Variants in RPS6KL1 observed in about 807,000 individuals in gnomAD.
RPS6KL1 encodes the protein ribosomal protein S6 kinase like 1.
A neutral mutation model predicts 57.0 loss-of-function variants in RPS6KL1; 41 were observed. The ratio of observed to expected loss-of-function variants is 0.72; its 90% confidence interval spans 0.56 to 0.93. The LOEUF is 0.93. Ranked by LOEUF, RPS6KL1 falls within the 40% of genes least tolerant of loss-of-function variation. RPS6KL1 has a pLI of 0.00. For missense variants in RPS6KL1, 697 were observed against 727.7 expected (o/e 0.96, Z 0.49); for synonymous variants, 287 against 309.7 (o/e 0.93, Z 0.77).
rs560729714 is a variant in RPS6KL1, at chr14:74,910,054, G to A, written c.759C>T (p.Leu253=). 18 of 1,612,310 alleles carry A rather than the reference G, an allele frequency of 1.1e-5. No individual in the cohort carries two copies. The African/African-American group carries it at 2.1e-4, about 19-fold the overall frequency. ...GSTQERMKAQ[L]NPHLNLLTPA... ...GGGTCAGGAGGTTGAGGTGGGGGTT[G>A]AGCTGAGCCTTCATCCTCTCCTGGG... Residue 253 remains leucine, a synonymous_variant, in exon 8 of 12, where the codon CTC becomes CTT. Coordinates refer to ENST00000557413, the MANE Select transcript of RPS6KL1 (RefSeq NM_031464.5).
intron 5 of RPS6KL1, among the ~76,000 whole-genome samples, chr14:74,912,765 G>A (rs1392538775): frequency 6.6e-6 from 1 of 152,158 alleles, no homozygotes; most frequent in Non-Finnish European, 1.5e-5. Context: ...AAATAAATAA[G>A]TAAAGTCCGC....
intron 5 of RPS6KL1, among the ~76,000 whole-genome samples, chr14:74,917,340 C>A (rs1197967714): frequency 6.6e-6 from 1 of 152,264 alleles, no homozygotes; most frequent in Non-Finnish European, 1.5e-5. Context: ...CCCGTGGCCA[C>A]CCGGGGTGGT....
At chr14:74,918,439 T>G in intron 5 of RPS6KL1, 74 bp downstream of exon 5, 1 of 1,090,142 alleles carries the variant, frequency 9.2e-7, no homozygotes, top group Non-Finnish European at 1.3e-6. Flanking sequence ...CAGCATATCA[T>G]GTCTCTCTCC....
intron 10 of RPS6KL1, among the ~76,000 whole-genome samples, 193 bp downstream of exon 10, chr14:74,908,657 T>C (rs976487954): frequency 6.6e-6 from 1 of 152,186 alleles, no homozygotes; most frequent in East Asian, 1.9e-4. Context: ...CTCGTATTCA[T>C]AGAAGTTGAC....
intron 1 of RPS6KL1, among the ~76,000 whole-genome samples, 188 bp downstream of exon 1, chr14:74,922,992 T>C (rs1291721844): frequency 6.6e-6 from 1 of 152,082 alleles, no homozygotes; most frequent in Non-Finnish European, 1.5e-5. Context: ...CGGGTAGGAC[T>C]GGCTTCAGGG....
chr14:74,911,326 C>T lies in RPS6KL1; in HGVS notation c.586G>A (p.Gly196Arg), dbSNP rs775664474. 1.6e-5 allele frequency: 25 copies of T among 1,611,738 alleles called. No homozygotes were observed. In the Admixed American group the frequency reaches 1.7e-4, roughly 11 times the overall value. The change falls in exon 7 of 12, where the codon GGA (glycine) becomes AGA (arginine). Residue 196 changes from glycine (G) to arginine (R), a missense_variant. Physicochemically the swap from Gly to Arg is moderately radical, Grantham distance 125 (BLOSUM62 -2). Transcript: ENST00000557413. Reference sequence around the variant, plus strand: ...AGCAGCTTCGTCATGTAGGGGACTCCGTGTGGGATGATGGTCAGCCGCTCC... The same window carrying T: ...AGCAGCTTCGTCATGTAGGGGACTCTGTGTGGGATGATGGTCAGCCGCTCC... ...SRERLTIIPH[G>R]VPYMTKLLRY...
chr14:74,906,524 C>G lies in RPS6KL1; in HGVS notation c.*490G>C, dbSNP rs2140233201. 2.0e-6 allele frequency: 1 copy of G among 510,028 alleles called. No homozygotes were observed. The highest frequency in any genetic ancestry group is 1.5e-5 in the South Asian group (1 of 67,360). The allele number at this position is 510,028 out of a possible 1,614,324, so 31.6% of individuals were successfully genotyped here. ...CACGAACAGCTTCTGGTGGAAGAGG[C>G]CTACTCGCTGTGTGACTAAGAGGAC... On this transcript the variant is annotated 3_prime_UTR_variant, in exon 12 of 12. Transcript: ENST00000557413.
Position 74,909,635 on chromosome 14 carries a change from G to C in RPS6KL1, c.1178C>G (p.Ala393Gly). 2 of 1,611,460 alleles carry C rather than the reference G, an allele frequency of 1.2e-6. No homozygotes were observed. The highest frequency in any genetic ancestry group is 1.7e-6 in the Non-Finnish European group (2 of 1,179,930). ...SVREEQVKQW[A>G]AEMLVALEAL... Reference sequence around the variant, plus strand: ...CTCCAGCGCTACCAGCATCTCTGCCGCCCACTGCTTCACCTGCTCCTCTCT... The same window carrying C: ...CTCCAGCGCTACCAGCATCTCTGCCCCCCACTGCTTCACCTGCTCCTCTCT... Residue 393 changes from alanine (A) to glycine (G), a missense_variant, in exon 8 of 12, where the codon GCG becomes GGG. Ala to Gly is a moderately conservative substitution (Grantham distance 60). Transcript: ENST00000557413.
At position 74,923,234 on chromosome 14, in the gene RPS6KL1, C is replaced by A. The variant is rs1888143764; in HGVS notation, c.-583G>T. ...CCAGGCCTCCCCCTCACGTACCGGC[C>A]CTTCACGCCAGAGCGCGCCGCGGGC... is the stretch of plus-strand genomic sequence containing the variant. On this transcript the variant is annotated 5_prime_UTR_variant, in exon 1 of 12. Coordinates refer to ENST00000557413, the MANE Select transcript of RPS6KL1 (RefSeq NM_031464.5). 1 of 152,288 alleles carries A rather than the reference C, an allele frequency of 6.6e-6. No homozygotes were observed. Among genetic ancestry groups the A allele is most frequent in the South Asian group, 2.1e-4 (1 of 4,838 alleles). 9.4% of individuals were successfully genotyped at this position (152,288 alleles called of 1,614,324 possible).
chr14:74,911,046 AT>A lies in RPS6KL1; in HGVS notation c.664+201del. ...GCAAGCACACCTGGCTAGTTTTTGT[AT>A]TTTTAGTAGAGACAGGGTTTCACTA... On this transcript the variant is annotated intron_variant, in intron 7 of 11. Coordinates refer to ENST00000557413, the MANE Select transcript of RPS6KL1 (RefSeq NM_031464.5). The A allele has an allele frequency of 6.1e-6, 3 of 494,830 alleles. No individual in the cohort carries two copies. In the East Asian group the frequency reaches 1.2e-4, roughly 19 times the overall value. The allele number at this position is 494,830 out of a possible 1,614,324, so 30.7% of individuals were successfully genotyped here. A position where few individuals can be genotyped will look rare whatever the true frequency, so the allele number is the denominator to read the frequency against.
rs764010197 is a variant in RPS6KL1, at chr14:74,919,979, A to T, written c.266-10T>A. 7.4e-6 allele frequency: 12 copies of T among 1,614,038 alleles called. No homozygotes were observed. In the South Asian group the frequency reaches 1.2e-4, roughly 16 times the overall value. ...TCCTTGTTGGGGTCAACTGTGGGAG[A>T]CAAGAGTCACCAGGGTCCCCAGCCA... On this transcript the variant is annotated splice_polypyrimidine_tract_variant and intron_variant, in intron 3 of 11. Coordinates refer to ENST00000557413, the MANE Select transcript of RPS6KL1 (RefSeq NM_031464.5).
rs375023229 is a variant in RPS6KL1 at position 74,909,785 on chromosome 14, C to G, written c.1028G>C (p.Arg343Pro). The G allele has an allele frequency of 6.2e-7, 1 of 1,605,674 alleles. No individual in the cohort carries two copies. Among genetic ancestry groups the G allele is most frequent in the Non-Finnish European group, 8.5e-7 (1 of 1,176,484 alleles). ...AGQNSDAGPP[R>P]GLTWVPEGAG... is the part of the protein sequence containing the mutation. ...CCCCTCAGGAACCCAAGTGAGCCCC[C>G]GAGGGGGCCCAGCGTCTGAGTTCTG... Residue 343 changes from arginine (R) to proline (P), a missense_variant, in exon 8 of 12, where the codon CGG becomes CCG. Transcript: ENST00000557413.
chr14:74,918,941 C>T (rs767293041), intron 4 of RPS6KL1, among the ~76,000 whole-genome samples: 142 of 152,172 alleles, frequency 9.3e-4, no homozygotes, highest in Non-Finnish European at 1.5e-3. Flanking sequence ...TTTGGGAGGC[C>T]GAGGCGGGCA....
chr14:74,909,569 G>A lies in RPS6KL1; in HGVS notation c.1244C>T (p.Pro415Leu). The change falls in exon 8 of 12, where the codon CCC (proline) becomes CTC (leucine). Residue 415 changes from proline to leucine, a missense_variant. Pro to Leu is a moderately conservative substitution (Grantham distance 98, BLOSUM62 -3). Transcript: ENST00000557413. ...EQGVLCRDLHPGNLLLDQAGH... is the reference protein window; with the variant it reads ...EQGVLCRDLHLGNLLLDQAGH... ...TGCCTGGTCCAGGAGCAGGTTCCCG[G>A]GGTGGAGGTCCCGGCACAGCACCCC... 1 of 1,609,156 alleles carries A rather than the reference G, an allele frequency of 6.2e-7. No individual in the cohort carries two copies. The highest frequency in any genetic ancestry group is 2.2e-5 in the East Asian group (1 of 44,832).
rs778301181 is a variant in RPS6KL1 at position 74,919,845 on chromosome 14, C to T, written c.390G>A (p.Ala130=). 1.7e-5 allele frequency: 27 copies of T among 1,612,066 alleles called. No homozygotes were observed. Among genetic ancestry groups the T allele is most frequent in the East Asian group, 4.5e-5 (2 of 44,876 alleles). The change falls in exon 4 of 12, where the codon GCG becomes GCA. Residue 130 remains alanine (A), a splice_region_variant and synonymous_variant. Coordinates refer to ENST00000557413, the MANE Select transcript of RPS6KL1 (RefSeq NM_031464.5). ...RPLSSGASPS[A]GFSSLRLRPI... is the part of the protein sequence containing the mutation. Reference sequence around the variant, plus strand: ...CTTTGGGTGGGGGGGGTCTCCTCACCGCGCTGGGGCTGGCTCCACTGCTCA... The same window carrying T: ...CTTTGGGTGGGGGGGGTCTCCTCACTGCGCTGGGGCTGGCTCCACTGCTCA...
rs201027250 is a variant in RPS6KL1 at position 74,911,249 on chromosome 14, T to C, written c.663A>G (p.Gln221=). 4.7e-5 allele frequency: 76 copies of C among 1,611,642 alleles called. No homozygotes were observed. The highest frequency in any genetic ancestry group is 5.9e-6 in the Non-Finnish European group (7 of 1,179,936). ...DSIFLHLEHV[Q]GGTLWSHLLS... ...ACAGGGGGCCCCAGGCCTGCTCACC[T>C]TGCACATGCTCCAGGTGCAGGAAGA... The change falls in exon 7 of 12, where the codon CAA becomes CAG. Residue 221 remains glutamine (Q), a splice_region_variant and synonymous_variant. Transcript: ENST00000557413.
At chr14:74,918,455 G>T in intron 5 of RPS6KL1, 58 bp downstream of exon 5, 1 of 1,266,158 alleles carries the variant, frequency 7.9e-7, no homozygotes. Context: ...TCTCCCCACC[G>T]CCACCCCAAA....
intron 10 of RPS6KL1, among the ~76,000 whole-genome samples, chr14:74,907,895 C>T (rs996433562): frequency 6.6e-6 from 1 of 152,180 alleles, no homozygotes; most frequent in Non-Finnish European, 1.5e-5. Flanking sequence ...CATTTGGCAG[C>T]AGGCCATGGC....
chr14:74,911,570 G>A, intron 6 of RPS6KL1, 190 bp from the exon 7 acceptor site: 2 of 702,730 alleles, frequency 2.8e-6, no homozygotes, highest in Non-Finnish European at 4.8e-6. Context: ...CAAAGAGGGG[G>A]CAGTGTGTGT....
Sources: gnomAD v4.1 joint callset for allele counts (sites outside exome capture counted in the v4.1 genomes callset) on GRCh38, gnomAD v4.1.1 for gene constraint, MANE v1.5 for transcripts, NCBI Gene and HGNC (gene_info 2026-07-23, HGNC 2026-07-21) for gene names.